EFCAB14: variants seen among roughly 807,000 people sequenced by gnomAD.
EFCAB14 encodes the protein EF-hand calcium-binding domain-containing protein 14.
In EFCAB14, 43 loss-of-function variants were observed where a neutral mutation model predicts 56.5. That is an observed-to-expected ratio of 0.76 (90% CI 0.60 to 0.98). The LOEUF (loss-of-function observed/expected upper bound fraction) is 0.98, where lower values mean the gene tolerates loss of function less well. Among genes scored for constraint, EFCAB14 ranks in the 50% least tolerant of loss-of-function variants. EFCAB14 has a pLI of 0.00. For missense variants in EFCAB14, 538 were observed against 580.3 expected (o/e 0.93, Z 0.75); for synonymous variants, 235 against 212.9 (o/e 1.10, Z -0.90).
At chr1:46,716,035 G>A (rs527933407) in intron 2 of EFCAB14, among the ~76,000 whole-genome samples, 1 of 151,560 alleles carries the variant, frequency 6.6e-6, no homozygotes, top group South Asian at 2.1e-4. Flanking sequence ...ACCACCTGAG[G>A]TCAGTAGTTT....
chr1:46,686,570 G>C, intron 8 of EFCAB14: 1 of 557,450 alleles, frequency 1.8e-6, no homozygotes, highest in Non-Finnish European at 3.2e-6. Flanking sequence ...TGCTCACTAT[G>C]GTCCCCCCAG....
At chr1:46,688,698 C>G (rs186280687) in intron 6 of EFCAB14, among the ~76,000 whole-genome samples, 154 bp from the exon 7 acceptor site, 1 of 152,178 alleles carries the variant, frequency 6.6e-6, no homozygotes, top group Non-Finnish European at 1.5e-5. Flanking sequence ...CTTTGTCCCT[C>G]GCACTCTAAA....
At chr1:46,683,454 G>C (rs761924671) in intron 9 of EFCAB14, 29 bp from the exon 10 acceptor site, 2 of 1,600,526 alleles carry the variant, frequency 1.2e-6, no homozygotes, top group Non-Finnish European at 8.5e-7. Flanking sequence ...GTTTTATTTA[G>C]TATTATTGAA....
rs1049972090 is a variant in EFCAB14 at position 46,688,511 on chromosome 1, C to T, written c.829G>A (p.Val277Ile). ...ILYLHNSLEEVNSALVGYQRQ... is the reference protein window; with the variant it reads ...ILYLHNSLEEINSALVGYQRQ... ...TGGTACCCCACTAGGGCACTGTTTACCTCCTCTAAAGAGTTGTGAAGGTAC... is the reference window on the plus strand; with the variant it reads ...TGGTACCCCACTAGGGCACTGTTTATCTCCTCTAAAGAGTTGTGAAGGTAC... The change falls in exon 7 of 11, where the codon GTA becomes ATA. Residue 277 changes from valine to isoleucine, a missense_variant. Coordinates refer to ENST00000371933, the MANE Select transcript of EFCAB14 (RefSeq NM_014774.3). 7 of 1,613,550 alleles carry T rather than the reference C, an allele frequency of 4.3e-6. No homozygotes were observed. Among genetic ancestry groups the T allele is most frequent in the Admixed American group, 3.3e-5 (2 of 59,940 alleles).
In EFCAB14 at chr1:46,696,604, T is replaced by G; in HGVS notation, c.526A>C (p.Lys176Gln). 6.2e-7 allele frequency: 1 copy of G among 1,613,704 alleles called. No individual in the cohort carries two copies. Among genetic ancestry groups the G allele is most frequent in the Non-Finnish European group, 8.5e-7 (1 of 1,179,716 alleles). Residue 176 changes from lysine (K) to glutamine (Q), a missense_variant, in exon 4 of 11, where the codon AAG becomes CAG. Lys to Gln is a moderately conservative substitution (Grantham distance 53). Coordinates refer to ENST00000371933, the MANE Select transcript of EFCAB14 (RefSeq NM_014774.3). Reference sequence around the variant, plus strand: ...AGGCTAATCAAGTCTGCAGCTGACTTAACATTGGCTTTGAGGTGGTTCACT... The same window carrying G: ...AGGCTAATCAAGTCTGCAGCTGACTGAACATTGGCTTTGAGGTGGTTCACT... ...SAVNHLKANV[K>Q]SAADLISLPT... is the part of the protein sequence containing the mutation.
chr1:46,717,890 C>T lies in EFCAB14; in HGVS notation c.185+13G>A, dbSNP rs377503673. ...GATGCCTTCTTCCCATTCCACCTTT[C>T]ACCACTACTCACTTGGCAAAGCGAG... On this transcript the variant is annotated intron_variant, in intron 1 of 10. Transcript: ENST00000371933. The T allele has an allele frequency of 6.2e-7, 1 of 1,609,706 alleles. No homozygotes were observed. Among genetic ancestry groups the T allele is most frequent in the Non-Finnish European group, 8.5e-7 (1 of 1,177,502 alleles).
At chr1:46,682,748 G>T (rs114440861) in intron 10 of EFCAB14, among the ~76,000 whole-genome samples, 228 of 152,362 alleles carry the variant, frequency 1.5e-3, no homozygotes, top group African/African-American at 5.3e-3. Flanking sequence ...CTTCGGCCAG[G>T]TGAGTTGGTT....
chr1:46,695,649 C>T (rs1677068521), intron 4 of EFCAB14, among the ~76,000 whole-genome samples: 1 of 152,134 alleles, frequency 6.6e-6, no homozygotes, highest in South Asian at 2.1e-4. Flanking sequence ...GGATGATGTT[C>T]TTTATGTTCG....
Position 46,712,839 on chromosome 1 carries a change from C to T in EFCAB14, c.334+3456G>A, listed in dbSNP as rs552677053. Among the ~76,000 whole-genome samples the T allele has an allele frequency of 1.2e-4, 16 of 136,166 alleles. No individual in the cohort carries two copies. In the East Asian group the frequency reaches 4.6e-3, roughly 39 times the overall value. 89.3% of individuals were successfully genotyped at this position (136,166 alleles called of 152,430 possible). A position where few individuals can be genotyped will look rare whatever the true frequency, so the allele number is the denominator to read the frequency against. On this transcript the variant is annotated intron_variant, in intron 2 of 10. Transcript: ENST00000371933. ...CCTGGCCAACAAGGTGAAACCCTGT[C>T]TCTACTAAAAAAAAATACAAAAAAT...
chr1:46,706,714 C>T (rs1677238197), intron 3 of EFCAB14, among the ~76,000 whole-genome samples: 1 of 152,190 alleles, frequency 6.6e-6, no homozygotes, highest in Non-Finnish European at 1.5e-5. Context: ...ACCTGCTTTT[C>T]TCTAATTACT....
rs758409944 is a variant in EFCAB14, at chr1:46,707,919, T to C, written c.467A>G (p.Glu156Gly). ...GLNKVWINIT[E>G]MNKQISLLTS... ...AACTTTTAGTACCTGCTTATTCATT[T>C]CTGTGATGTTTATCCAGACTTTGTT... Residue 156 changes from glutamate to glycine, a missense_variant, in exon 3 of 11, where the codon GAA becomes GGA. Glu to Gly is a moderately conservative substitution (Grantham distance 98). Coordinates refer to ENST00000371933, the MANE Select transcript of EFCAB14 (RefSeq NM_014774.3). The C allele has an allele frequency of 1.4e-5, 23 of 1,609,560 alleles. No homozygotes were observed. In the Admixed American group the frequency reaches 3.3e-4, roughly 23 times the overall value.
chr1:46,718,862 G>A lies in EFCAB14; in HGVS notation c.-775C>T, dbSNP rs1434094563. 1 of 152,426 alleles carries A rather than the reference G, an allele frequency of 6.6e-6. No individual in the cohort carries two copies. Among genetic ancestry groups the A allele is most frequent in the African/African-American group, 2.4e-5 (1 of 41,476 alleles). The allele number at this position is 152,426 out of a possible 1,614,324, so 9.4% of individuals were successfully genotyped here. A position where few individuals can be genotyped will look rare whatever the true frequency, so the allele number is the denominator to read the frequency against. On this transcript the variant is annotated 5_prime_UTR_variant, in exon 1 of 11. Coordinates refer to ENST00000371933, the MANE Select transcript of EFCAB14 (RefSeq NM_014774.3). ...ACCCCCGCCCCGCTGTCTGGGCCTTGGGGACACGGTGCCGCGGGCGACGGC... is the reference window on the plus strand; with the variant it reads ...ACCCCCGCCCCGCTGTCTGGGCCTTAGGGACACGGTGCCGCGGGCGACGGC...
intron 9 of EFCAB14, chr1:46,684,147 T>C (rs1201476139): frequency 1.0e-5 from 2 of 200,014 alleles, no homozygotes; most frequent in Non-Finnish European, 2.0e-5. Context: ...TAAATACATG[T>C]TATGCACTTA....
At chr1:46,701,413 C>T (rs111756587) in intron 3 of EFCAB14, among the ~76,000 whole-genome samples, 2,531 of 152,282 alleles carry the variant, frequency 0.017, 65 homozygotes, top group African/African-American at 0.057. Context: ...AGTTACCTTT[C>T]AGCCACCTGA....
chr1:46,683,157 T>C (rs111734325), intron 10 of EFCAB14, 143 bp downstream of exon 10: 4 of 910,070 alleles, frequency 4.4e-6, no homozygotes, highest in Middle Eastern at 2.4e-4. Flanking sequence ...CAGGATTATA[T>C]GACATAATGC....
intron 3 of EFCAB14, among the ~76,000 whole-genome samples, chr1:46,700,657 G>C (rs1272854189): frequency 6.6e-6 from 1 of 152,112 alleles, no homozygotes; most frequent in East Asian, 1.9e-4. Flanking sequence ...CTTTATTTTA[G>C]CAATTTCATG....
intron 2 of EFCAB14, among the ~76,000 whole-genome samples, chr1:46,709,067 T>G (rs1204782861): frequency 6.6e-6 from 1 of 152,204 alleles, no homozygotes; most frequent in Non-Finnish European, 1.5e-5. Context: ...ACTATTTTGT[T>G]CATTTCTACA....
chr1:46,716,276 AG>A lies in EFCAB14; in HGVS notation c.334+18del. 8.5e-7 allele frequency: 1 copy of A among 1,175,510 alleles called. No individual in the cohort carries two copies. Among genetic ancestry groups the A allele is most frequent in the South Asian group, 1.4e-5 (1 of 71,588 alleles). 72.8% of individuals were successfully genotyped at this position (1,175,510 alleles called of 1,614,324 possible). A position where few individuals can be genotyped will look rare whatever the true frequency, so the allele number is the denominator to read the frequency against. ...AAAAAAAAAAAAAAAAAAAAAAAAGAGAGTAACCACTTACTTACTTGTTCGA... is the reference window on the plus strand; with the variant it reads ...AAAAAAAAAAAAAAAAAAAAAAAAGAAGTAACCACTTACTTACTTGTTCGA... On this transcript the variant is annotated intron_variant, in intron 2 of 10. Coordinates refer to ENST00000371933, the MANE Select transcript of EFCAB14 (RefSeq NM_014774.3).
chr1:46,683,047 C>T (rs933515227), intron 10 of EFCAB14, among the ~76,000 whole-genome samples: 2 of 152,102 alleles, frequency 1.3e-5, no homozygotes, highest in Non-Finnish European at 2.9e-5. Flanking sequence ...TCTTGGTTTG[C>T]ATTCTGTTTC....
Sources: allele counts gnomAD v4.1 joint callset (sites outside exome capture counted in the v4.1 genomes callset), GRCh38; gene constraint gnomAD v4.1.1; transcripts MANE v1.5; gene names NCBI Gene and HGNC (gene_info 2026-07-23, HGNC 2026-07-21).